SMIM3: variants seen among roughly 807,000 people sequenced by gnomAD.
The protein encoded by SMIM3 is small integral membrane protein 3.
A neutral mutation model predicts 2.1 loss-of-function variants in SMIM3; 4 were observed. The observed-to-expected ratio is 1.89, with a 90% CI of 0.93 to 4.31. The LOEUF is 4.31. Ranked by LOEUF, SMIM3 falls within the 30% of genes most tolerant of loss-of-function variation. The pLI is 0.01. For synonymous variants in SMIM3, 29 were observed against 30.8 expected (o/e 0.94, Z 0.19); for missense variants, 79 against 77.7 (o/e 1.02, Z -0.06).
At chr5:150,779,683 C>T (rs1753211449) in intron 1 of SMIM3, among the ~76,000 whole-genome samples, 1 of 152,164 alleles carries the variant, frequency 6.6e-6, no homozygotes, top group African/African-American at 2.4e-5. Context: ...GGTTGTTTTG[C>T]TCCCTAGTCT....
In SMIM3 at chr5:150,795,913, C is replaced by G; in HGVS notation, c.*290C>G. On this transcript the variant is annotated 3_prime_UTR_variant, in exon 2 of 2. Coordinates refer to ENST00000526627, the MANE Select transcript of SMIM3 (RefSeq NM_032947.5). Reference sequence around the variant, plus strand: ...CTGTTTGTGATCAGTAAAGCTACCACAGATATAAGGGTGTTATGCTGAATC... The same window carrying G: ...CTGTTTGTGATCAGTAAAGCTACCAGAGATATAAGGGTGTTATGCTGAATC... 1 of 424,892 alleles carries G rather than the reference C, an allele frequency of 2.4e-6. No homozygotes were observed. Among genetic ancestry groups the G allele is most frequent in the Non-Finnish European group, 4.4e-6 (1 of 228,978 alleles). The allele number at this position is 424,892 out of a possible 1,614,324, so 26.3% of individuals were successfully genotyped here. A position where few individuals can be genotyped will look rare whatever the true frequency, so the allele number is the denominator to read the frequency against.
At chr5:150,785,826 G>A (rs765278950) in intron 1 of SMIM3, among the ~76,000 whole-genome samples, 1 of 151,882 alleles carries the variant, frequency 6.6e-6, no homozygotes, top group Non-Finnish European at 1.5e-5. Context: ...CAAATGATCT[G>A]CCCACCTCAG....
In SMIM3 at chr5:150,783,161, A is replaced by G. The variant is rs185020653; in HGVS notation, c.-12+4189A>G. On this transcript the variant is annotated intron_variant, in intron 1 of 1. Coordinates refer to ENST00000526627, the MANE Select transcript of SMIM3 (RefSeq NM_032947.5). ...CAGGGGAGGAAAAGAGCATTCTGAG[A>G]AGGAACAGCAAACACAAAGTTCTTC... 1.4e-4 allele frequency among the ~76,000 whole-genome samples: 22 copies of G among 152,326 alleles called. No individual in the cohort carries two copies. The East Asian group carries it at 2.1e-3, about 15-fold the overall frequency.
At chr5:150,794,668 G>A (rs990544924) in intron 1 of SMIM3, among the ~76,000 whole-genome samples, 1 of 152,138 alleles carries the variant, frequency 6.6e-6, no homozygotes, top group Non-Finnish European at 1.5e-5. Context: ...GACTTGGGGG[G>A]AAGAGTGGGA....
intron 1 of SMIM3, among the ~76,000 whole-genome samples, chr5:150,781,847 A>T (rs915261744): frequency 1.1e-4 from 17 of 152,198 alleles, no homozygotes; most frequent in African/African-American, 3.9e-4. Context: ...GCAAATAGCA[A>T]TGATGGATAG....
chr5:150,794,735 T>C (rs1478599661), intron 1 of SMIM3, among the ~76,000 whole-genome samples: 2 of 152,300 alleles, frequency 1.3e-5, no homozygotes, highest in East Asian at 3.9e-4. Flanking sequence ...GAATCCTTAG[T>C]GTCTTAGTCA....
chr5:150,778,868 TG>T lies in SMIM3; in HGVS notation c.-111del. Reference sequence around the variant, plus strand: ...CTGCCTAGGGCTGAGGTTCCAGGCCTGGGGGTCGCTTCCAGCTGCCAGATCC... The same window carrying T: ...CTGCCTAGGGCTGAGGTTCCAGGCCTGGGGTCGCTTCCAGCTGCCAGATCC... On this transcript the variant is annotated 5_prime_UTR_variant, in exon 1 of 2. Coordinates refer to ENST00000526627, the MANE Select transcript of SMIM3 (RefSeq NM_032947.5). 2 of 490,432 alleles carry T rather than the reference TG, an allele frequency of 4.1e-6. No homozygotes were observed. The highest frequency in any genetic ancestry group is 8.4e-6 in the Non-Finnish European group (2 of 238,452). 30.4% of individuals were successfully genotyped at this position (490,432 alleles called of 1,614,324 possible).
chr5:150,779,838 G>GCC (rs771516973), intron 1 of SMIM3, among the ~76,000 whole-genome samples: 3 of 77,942 alleles, frequency 3.8e-5, no homozygotes, highest in African/African-American at 7.6e-5. Flanking sequence ...AACCCCCCCC[G>GCC]CCCCCCCCAC....
chr5:150,786,542 C>T (rs1437426305), intron 1 of SMIM3, among the ~76,000 whole-genome samples: 1 of 152,188 alleles, frequency 6.6e-6, no homozygotes, highest in African/African-American at 2.4e-5. Context: ...CTGCCTTTCC[C>T]TCCAAAAGTG....
chr5:150,793,159 A>T (rs1753366304), intron 1 of SMIM3, among the ~76,000 whole-genome samples: 1 of 152,196 alleles, frequency 6.6e-6, no homozygotes, highest in African/African-American at 2.4e-5. Context: ...CACTGCTAAA[A>T]AGAAATCATA....
Position 150,795,662 on chromosome 5 carries a change from C to T in SMIM3, c.*39C>T. Reference sequence around the variant, plus strand: ...GGGCCGGGTGAGGGATGAGGACAGGCATCCTATCCCCAGCCTCTTCCTGTC... The same window carrying T: ...GGGCCGGGTGAGGGATGAGGACAGGTATCCTATCCCCAGCCTCTTCCTGTC... On this transcript the variant is annotated 3_prime_UTR_variant, in exon 2 of 2. Coordinates refer to ENST00000526627, the MANE Select transcript of SMIM3 (RefSeq NM_032947.5). 6.5e-7 allele frequency: 1 copy of T among 1,528,096 alleles called. No homozygotes were observed. The highest frequency in any genetic ancestry group is 1.2e-5 in the South Asian group (1 of 83,622). The allele number at this position is 1,528,096 out of a possible 1,614,324, so 94.7% of individuals were successfully genotyped here.
intron 1 of SMIM3, among the ~76,000 whole-genome samples, chr5:150,787,557 G>A (rs938220699): frequency 6.6e-6 from 1 of 152,082 alleles, no homozygotes; most frequent in African/African-American, 2.4e-5. Context: ...GTAGTGTAGT[G>A]GTAAGTAAGT....
intron 1 of SMIM3, among the ~76,000 whole-genome samples, chr5:150,790,604 C>T (rs1264255010): frequency 6.6e-6 from 1 of 152,120 alleles, no homozygotes; most frequent in Non-Finnish European, 1.5e-5. Flanking sequence ...TGGGAACTTG[C>T]CCAGATCTGC....
intron 1 of SMIM3, 106 bp from the exon 2 acceptor site, chr5:150,795,324 C>T: frequency 6.0e-6 from 7 of 1,168,082 alleles, no homozygotes; most frequent in Admixed American, 1.7e-5. Context: ...TTAAAGTTTA[C>T]ATATCTGGTA....
At chr5:150,788,359 A>G (rs1442726282) in intron 1 of SMIM3, among the ~76,000 whole-genome samples, 1 of 152,118 alleles carries the variant, frequency 6.6e-6, no homozygotes. Flanking sequence ...CCTTTGGAAA[A>G]GTAAAATTTG....
At position 150,778,821 on chromosome 5, in the gene SMIM3, G is replaced by A. The variant is rs1047156129; in HGVS notation, c.-163G>A. 5 of 474,324 alleles carry A rather than the reference G, an allele frequency of 1.1e-5. No homozygotes were observed. In the Admixed American group the frequency reaches 1.2e-4, roughly 11 times the overall value. The allele number at this position is 474,324 out of a possible 1,614,324, so 29.4% of individuals were successfully genotyped here. A position where few individuals can be genotyped will look rare whatever the true frequency, so the allele number is the denominator to read the frequency against. On this transcript the variant is annotated 5_prime_UTR_variant, in exon 1 of 2. Coordinates refer to ENST00000526627, the MANE Select transcript of SMIM3 (RefSeq NM_032947.5). ...CTCTCCCGCCTCCCGGGGCTCGGAG[G>A]AGCCGGGGCACGTTCCAGGAGCTGC... is the stretch of plus-strand genomic sequence containing the variant.
Position 150,789,188 on chromosome 5 carries a change from G to A in SMIM3, c.-11-6242G>A, listed in dbSNP as rs1046044300. 5.9e-5 allele frequency among the ~76,000 whole-genome samples: 9 copies of A among 152,108 alleles called. 1 individual carries two copies. The highest frequency in any genetic ancestry group is 2.2e-4 in the African/African-American group (9 of 41,396). ...TGAGGCAAATGATAAATTAATCTAT[G>A]ACTATTATATTAGACATACCAAGAA... On this transcript the variant is annotated intron_variant, in intron 1 of 1. Transcript: ENST00000526627.
intron 1 of SMIM3, among the ~76,000 whole-genome samples, chr5:150,788,312 A>G (rs1753313484): frequency 6.6e-6 from 1 of 152,126 alleles, no homozygotes; most frequent in South Asian, 2.1e-4. Context: ...CCTAAACTGG[A>G]TCAAGTGGAG....
intron 1 of SMIM3, among the ~76,000 whole-genome samples, chr5:150,788,641 A>AAAAAAAAAG (rs1362977326): frequency 6.6e-6 from 1 of 151,682 alleles, no homozygotes; most frequent in Non-Finnish European, 1.5e-5. Flanking sequence ...CTCAAAAAAA[A>AAAAAAAAAG]AAAAAAAAGA....
Sources: allele counts gnomAD v4.1 joint callset (sites outside exome capture counted in the v4.1 genomes callset), GRCh38; gene constraint gnomAD v4.1.1; transcripts MANE v1.5; gene names NCBI Gene and HGNC (gene_info 2026-07-23, HGNC 2026-07-21).